The following ATAD1 variants were observed in gnomAD, a reference collection of about 807,000 sequenced individuals.
ATAD1 encodes the protein ATPase family AAA domain containing 1.
In ATAD1, 18 loss-of-function variants were observed where a neutral mutation model predicts 42.7. The ratio of observed to expected loss-of-function variants is 0.42; its 90% CI spans 0.29 to 0.63. The LOEUF (loss-of-function observed/expected upper bound fraction) is 0.63. Ranked by LOEUF, ATAD1 falls within the 20% of genes least tolerant of loss-of-function variation. The probability of loss-of-function intolerance (pLI) is 0.19; values close to 1 mark genes in which losing one functional copy is unlikely to be tolerated. For missense variants in ATAD1, 294 were observed against 440.4 expected, an observed-to-expected ratio of 0.67 and a Z score of 2.98; for synonymous variants, 132 against 143.1, an observed-to-expected ratio of 0.92 and a Z score of 0.55.
chr10:87,770,065 T>C (rs1341055385), intron 7 of ATAD1, among the ~76,000 whole-genome samples: 1 of 152,216 alleles, frequency 6.6e-6, no homozygotes, highest in African/African-American at 2.4e-5. Context: ...AACCACTTTA[T>C]TACAGTTGTA....
At chr10:87,767,177 CTT>C (rs1854793173) in intron 8 of ATAD1, among the ~76,000 whole-genome samples, 1 of 152,118 alleles carries the variant, frequency 6.6e-6, no homozygotes. Flanking sequence ...AGAAAAGTAT[CTT>C]TAACTCACAT....
intron 8 of ATAD1, among the ~76,000 whole-genome samples, chr10:87,762,468 C>CTT (rs796462922): frequency 2.8e-5 from 4 of 144,738 alleles, no homozygotes; most frequent in Admixed American, 6.9e-5. Flanking sequence ...TACAACTACA[C>CTT]TTTTTTTTTT....
chr10:87,806,372 A>G (rs776183778), intron 2 of ATAD1, among the ~76,000 whole-genome samples: 11 of 152,134 alleles, frequency 7.2e-5, no homozygotes, highest in Non-Finnish European at 1.2e-4. Flanking sequence ...GAAACACAAT[A>G]TAATCAATAC....
At chr10:87,815,816 A>T (rs537271873) in intron 1 of ATAD1, among the ~76,000 whole-genome samples, 1 of 152,250 alleles carries the variant, frequency 6.6e-6, no homozygotes, top group East Asian at 1.9e-4. Flanking sequence ...AAACTATTCT[A>T]ATCTAGAATC....
intron 7 of ATAD1, among the ~76,000 whole-genome samples, chr10:87,769,307 G>A (rs879542649): frequency 4.6e-5 from 7 of 152,072 alleles, no homozygotes; most frequent in South Asian, 2.1e-4. Context: ...TTGGTGCTGC[G>A]CTCACCAAAC....
rs1187588613 is a variant in ATAD1 at position 87,818,186 on chromosome 10, G to A, written c.-33C>T. Reference sequence around the variant, plus strand: ...ACTCACCCAGGGGCAGAAACAGCAAGAGCAAGTGCCCTCAGCCGGCCTCAC... The same window carrying A: ...ACTCACCCAGGGGCAGAAACAGCAAAAGCAAGTGCCCTCAGCCGGCCTCAC... On this transcript the variant is annotated 5_prime_UTR_variant, in exon 1 of 10. Transcript: ENST00000680024. 8.1e-6 allele frequency: 8 copies of A among 985,616 alleles called. No individual in the cohort carries two copies. The highest frequency in any genetic ancestry group is 9.6e-6 in the Non-Finnish European group (8 of 830,172). 61.1% of individuals were successfully genotyped at this position (985,616 alleles called of 1,614,324 possible).
intron 2 of ATAD1, 133 bp from the exon 3 acceptor site, chr10:87,792,888 C>T (rs1299695075): frequency 1.3e-5 from 9 of 676,030 alleles, no homozygotes; most frequent in Non-Finnish European, 2.3e-5. Context: ...ATTCTAGGCC[C>T]CTTGATCTTA....
intron 2 of ATAD1, among the ~76,000 whole-genome samples, chr10:87,805,832 T>C (rs1459507624): frequency 6.6e-6 from 1 of 151,972 alleles, no homozygotes; most frequent in Admixed American, 6.6e-5. Flanking sequence ...CAAATTATAC[T>C]TGCTGCCTCC....
At chr10:87,759,515 A>G (rs1375228825) in intron 8 of ATAD1, among the ~76,000 whole-genome samples, 2 of 152,238 alleles carry the variant, frequency 1.3e-5, no homozygotes, top group Non-Finnish European at 2.9e-5. Flanking sequence ...TAAAAATTAA[A>G]CATCCAACAC....
At chr10:87,785,897 A>C (rs1027691124) in intron 4 of ATAD1, among the ~76,000 whole-genome samples, 4 of 152,140 alleles carry the variant, frequency 2.6e-5, no homozygotes, top group Non-Finnish European at 4.4e-5. Context: ...ATCTAAGTTT[A>C]ATCATATGAA....
intron 8 of ATAD1, among the ~76,000 whole-genome samples, chr10:87,764,667 C>T (rs1187523682): frequency 6.6e-6 from 1 of 152,146 alleles, no homozygotes; most frequent in Non-Finnish European, 1.5e-5. Context: ...GCTGTCCTGT[C>T]CTGTGTCTCC....
At chr10:87,830,386 A>G (rs573654766) in intron 1 of ATAD1, among the ~76,000 whole-genome samples, 13 of 152,188 alleles carry the variant, frequency 8.5e-5, no homozygotes, top group Non-Finnish European at 1.5e-4. Flanking sequence ...GAATTTTGCC[A>G]ATGGAGGTTT....
At chr10:87,808,101 C>T (rs954583437) in intron 2 of ATAD1, among the ~76,000 whole-genome samples, 4 of 152,022 alleles carry the variant, frequency 2.6e-5, no homozygotes, top group Non-Finnish European at 5.9e-5. Flanking sequence ...AGCTGATTTT[C>T]GTATACTGAT....
chr10:87,787,936 T>C (rs1855914657), intron 4 of ATAD1, among the ~76,000 whole-genome samples: 1 of 152,204 alleles, frequency 6.6e-6, no homozygotes, highest in Non-Finnish European at 1.5e-5. Flanking sequence ...ATAAAATTTA[T>C]ATACCAAAAT....
At chr10:87,803,026 G>T (rs534842086) in intron 2 of ATAD1, among the ~76,000 whole-genome samples, 3 of 152,288 alleles carry the variant, frequency 2.0e-5, no homozygotes, top group Admixed American at 2.0e-4. Flanking sequence ...AACTTCAGAA[G>T]AAAAGAACAG....
intron 8 of ATAD1, among the ~76,000 whole-genome samples, chr10:87,762,906 TA>T (rs111774830): frequency 0.12 from 12,499 of 105,936 alleles, 1,234 homozygotes; most frequent in East Asian, 0.37. Flanking sequence ...CCGTCTCTAC[TA>T]AAAAAAAAAA....
Position 87,784,660 on chromosome 10 carries a change from GAGA to G in ATAD1, c.390_392del (p.Leu131del). 6.2e-7 allele frequency: 1 copy of G among 1,612,552 alleles called. No individual in the cohort carries two copies. Among genetic ancestry groups the G allele is most frequent in the Non-Finnish European group, 8.5e-7 (1 of 1,179,682 alleles). On this transcript the variant is annotated inframe_deletion, in exon 5 of 10. Transcript: ENST00000680024. ...TTTTACCACAGCCTGGAGGCCCATA[GAGA>G]AGAACACCTGGAAATGAATATGTTA... is the stretch of plus-strand genomic sequence containing the variant.
intron 1 of ATAD1, chr10:87,832,136 A>G (rs1857842930): frequency 6.9e-6 from 1 of 145,042 alleles, no homozygotes; most frequent in Non-Finnish European, 1.5e-5. Context: ...TAGAGTGACA[A>G]TGACCACTGC....
chr10:87,822,753 T>C (rs1277361320), upstream of ATAD1, among the ~76,000 whole-genome samples: 1 of 152,132 alleles, frequency 6.6e-6, no homozygotes, highest in African/African-American at 2.4e-5. Context: ...CAGTCAACAG[T>C]AATTTATTGT....
Sources: gnomAD v4.1 joint callset for allele counts (sites outside exome capture counted in the v4.1 genomes callset) on GRCh38, gnomAD v4.1.1 for gene constraint, MANE v1.5 for transcripts, NCBI Gene and HGNC (gene_info 2026-07-23, HGNC 2026-07-21) for gene names.